The following CELF2 variants were observed in gnomAD, a reference collection of about 807,000 sequenced individuals.
CELF2 encodes CUGBP Elav-like family member 2, also known as CUG triplet repeat RNA-binding protein 2.
CELF2 carries 8 observed loss-of-function variants against 62.6 expected under a neutral mutation model. The observed-to-expected ratio is 0.13, with a 90% CI of 0.07 to 0.23. The LOEUF (loss-of-function observed/expected upper bound fraction) is 0.23, where lower values mean the gene tolerates loss of function less well. Among genes scored for constraint, CELF2 ranks in the 10% least tolerant of loss-of-function variants. The pLI is 1.00. For synonymous variants in CELF2, 258 were observed against 250.0 expected (o/e 1.03, Z -0.30); for missense variants, 333 against 671.0 (o/e 0.50, Z 5.56).
rs1475432723 is a variant in CELF2, at chr10:10,972,432, A to C, written c.89+52433A>C. On this transcript the variant is annotated intron_variant, in intron 2 of 13. Coordinates refer to the CELF2 transcript ENST00000636488. The surrounding 1 kb of genome is among the most constrained non-coding windows in gnomAD (Gnocchi z 4.4). ...TTCCCTCTGGGAAATGCTGCTCTTC[A>C]AACTTGATTTCCCCATCCCTCTCGT... Among the ~76,000 whole-genome samples, 1 of 152,184 alleles carries C rather than the reference A, an allele frequency of 6.6e-6. No individual in the cohort carries two copies. The highest frequency in any genetic ancestry group is 1.9e-4 in the East Asian group (1 of 5,200).
At chr10:10,566,024 G>C in the CELF2 span, among the ~76,000 whole-genome samples, 1 of 152,040 alleles carries the variant, frequency 6.6e-6, no homozygotes, top group Non-Finnish European at 1.5e-5. Flanking sequence ...CAGAACTTTG[G>C]AAATTACATG....
intron 1 of CELF2, among the ~76,000 whole-genome samples, chr10:10,801,374 A>T (rs796602075): frequency 5.9e-5 from 9 of 152,342 alleles, no homozygotes; most frequent in African/African-American, 2.2e-4. Context: ...ACAACAAGGC[A>T]TCCTTTTGGC....
At chr10:10,961,034 C>A (rs2049439900) in intron 2 of CELF2, among the ~76,000 whole-genome samples, 1 of 152,188 alleles carries the variant, frequency 6.6e-6, no homozygotes. Flanking sequence ...ATTAGCACAG[C>A]CCCCAGCTGC....
At chr10:10,476,993 T>C in the CELF2 span, among the ~76,000 whole-genome samples, 1 of 152,236 alleles carries the variant, frequency 6.6e-6, no homozygotes, top group Admixed American at 6.5e-5. Context: ...TATTCTTATG[T>C]AAAAAAAATT....
At chr10:11,118,580 T>G (rs1272356757) in intron 1 of CELF2, among the ~76,000 whole-genome samples, 1 of 152,208 alleles carries the variant, frequency 6.6e-6, no homozygotes, top group African/African-American at 2.4e-5. Context: ...AACTGAGGCA[T>G]GGTGACTTCA....
Position 11,321,516 on chromosome 10 carries a change from G to T in CELF2, c.1294+130G>T. 9.4e-6 allele frequency: 6 copies of T among 636,830 alleles called. No homozygotes were observed. Among genetic ancestry groups the T allele is most frequent in the South Asian group, 9.3e-5 (4 of 43,240 alleles). The allele number at this position is 636,830 out of a possible 1,614,324, so 39.4% of individuals were successfully genotyped here. The stretch of plus-strand genomic sequence containing the variant: ...AGAAAGCAGTTGTTTTGTTATTCAT[G>T]TTTAAAAAAAAAAAAAACTGAAAGC... On this transcript the variant is annotated intron_variant, in intron 11 of 12. Transcript: ENST00000633077. The surrounding 1 kb of genome is among the most constrained non-coding windows in gnomAD (Gnocchi z 6.2).
At chr10:10,723,571 C>G in the CELF2 span, among the ~76,000 whole-genome samples, 32 of 152,208 alleles carry the variant, frequency 2.1e-4, no homozygotes, top group African/African-American at 6.7e-4. Context: ...GAATCTTGAC[C>G]AAGACTTCTA....
chr10:11,012,966 C>T (rs897923839), upstream of CELF2, among the ~76,000 whole-genome samples: 1 of 152,078 alleles, frequency 6.6e-6, no homozygotes, highest in Non-Finnish European at 1.5e-5. This position sits in a 1 kb window ranked among gnomAD's most constrained non-coding sequence, Gnocchi z 5.5. Flanking sequence ...CCAGACGTCT[C>T]CTTCCCAGTT....
chr10:10,890,069 C>T (rs1298746330), intron 1 of CELF2, among the ~76,000 whole-genome samples: 3 of 152,042 alleles, frequency 2.0e-5, no homozygotes, highest in Admixed American at 2.0e-4. Flanking sequence ...TTTTTTTCCC[C>T]TAAACTGCAA....
intron 1 of CELF2, among the ~76,000 whole-genome samples, chr10:11,042,798 G>A (rs1193532782): frequency 6.6e-6 from 1 of 152,072 alleles, no homozygotes; most frequent in Non-Finnish European, 1.5e-5. Flanking sequence ...ATAATATGTG[G>A]CCTCTTGTGT....
the CELF2 span, among the ~76,000 whole-genome samples, chr10:10,761,788 A>G: frequency 2.3e-3 from 353 of 152,284 alleles, 1 homozygote; most frequent in Admixed American, 3.2e-3. Flanking sequence ...CTGGTTTTCA[A>G]GCCTTCAGAC....
the CELF2 span, among the ~76,000 whole-genome samples, chr10:10,696,971 G>A: frequency 6.6e-6 from 1 of 152,186 alleles, no homozygotes; most frequent in Non-Finnish European, 1.5e-5. Context: ...GAGCTGTAGA[G>A]GGGAGCTGTT....
chr10:10,623,267 G>A, the CELF2 span, among the ~76,000 whole-genome samples: 2 of 152,130 alleles, frequency 1.3e-5, no homozygotes, highest in Admixed American at 6.5e-5. Context: ...TCCTCAGAGA[G>A]CAGCGAATGT....
intron 2 of CELF2, among the ~76,000 whole-genome samples, chr10:10,979,679 A>G (rs2051826611): frequency 6.6e-6 from 1 of 151,328 alleles, no homozygotes; most frequent in African/African-American, 2.4e-5. Context: ...TCTCAAAAAA[A>G]AAAAAAAAAA....
At position 11,170,680 on chromosome 10, in the gene CELF2, G is replaced by A. The variant is rs1022790764; in HGVS notation, c.271+4998G>A. ...ACAGCTCCTGGTCCAGGAGGTGGAGGAGGAGGAGTTGAAGGGTTGGCAGTT... is the reference window on the plus strand; with the variant it reads ...ACAGCTCCTGGTCCAGGAGGTGGAGAAGGAGGAGTTGAAGGGTTGGCAGTT... On this transcript the variant is annotated intron_variant, in intron 2 of 12. Coordinates refer to ENST00000633077, the MANE Select transcript of CELF2 (RefSeq NM_001326342.2). Among the ~76,000 whole-genome samples, 9 of 152,310 alleles carry A rather than the reference G, an allele frequency of 5.9e-5. No homozygotes were observed. The South Asian group carries it at 6.2e-4, about 11-fold the overall frequency.
At chr10:10,503,156 C>T in the CELF2 span, among the ~76,000 whole-genome samples, 5 of 151,866 alleles carry the variant, frequency 3.3e-5, no homozygotes, top group Non-Finnish European at 5.9e-5. Flanking sequence ...TATTAACCAT[C>T]TTGGTATGTG....
chr10:11,161,706 G>A (rs1454267629), intron 1 of CELF2, among the ~76,000 whole-genome samples: 2 of 152,164 alleles, frequency 1.3e-5, no homozygotes, highest in African/African-American at 4.8e-5. Context: ...CACTGTACTG[G>A]GTGTTGAGAA....
rs575977162 is a variant in CELF2, at chr10:11,285,471, A to AG, written c.842-2946dup. On this transcript the variant is annotated intron_variant, in intron 8 of 12. Transcript: ENST00000633077. This position sits in a 1 kb window ranked among gnomAD's most constrained non-coding sequence, Gnocchi z 4.3. ...GGTAAAGTGTGTGGAGGAGAAATGAAGAGGAGGACACCCAGGCCCTTAGCC... is the reference window on the plus strand; with the variant it reads ...GGTAAAGTGTGTGGAGGAGAAATGAAGGAGGAGGACACCCAGGCCCTTAGCC... Among the ~76,000 whole-genome samples the AG allele has an allele frequency of 3.7e-4, 56 of 152,290 alleles. No individual in the cohort carries two copies. The South Asian group carries it at 6.6e-3, about 18-fold the overall frequency.
At chr10:10,767,854 G>A in the CELF2 span, among the ~76,000 whole-genome samples, 2 of 143,846 alleles carry the variant, frequency 1.4e-5, no homozygotes, top group African/African-American at 2.6e-5. Context: ...AAATTAGCCG[G>A]GCGTGGTGGC....
Sources: gnomAD v4.1 joint callset for allele counts (sites outside exome capture counted in the v4.1 genomes callset) on GRCh38, gnomAD v4.1.1 for gene constraint, Gnocchi (gnomAD v3.1) non-coding constraint, MANE v1.5 for transcripts, NCBI Gene and HGNC (gene_info 2026-07-23, HGNC 2026-07-21) for gene names.